The following C11orf86 variants were observed in gnomAD, a reference collection of about 807,000 sequenced individuals.
C11orf86 encodes chromosome 11 open reading frame 86.
C11orf86 carries 13 observed loss-of-function variants against 11.1 expected under a neutral mutation model. The ratio of observed to expected loss-of-function variants is 1.17; its 90% CI spans 0.76 to 1.86. The LOEUF is 1.86. Ranked by LOEUF, C11orf86 falls within the 40% of genes most tolerant of loss-of-function variation. The pLI, the probability that C11orf86 is intolerant of heterozygous loss-of-function variation, is 0.00. For missense variants in C11orf86, 144 were observed against 146.5 expected (o/e 0.98, Z 0.09); for synonymous variants, 86 against 64.7 (o/e 1.33, Z -1.58).
In C11orf86 at chr11:66,976,200, C is replaced by A; in HGVS notation, c.300C>A (p.Ser100Arg). 1.3e-6 allele frequency: 2 copies of A among 1,551,468 alleles called. No individual in the cohort carries two copies. Among genetic ancestry groups the A allele is most frequent in the Non-Finnish European group, 1.7e-6 (2 of 1,146,976 alleles). ...AGCAGGTAAGAAGAAGGTGGGAGAG[C>A]TTTGTCGCCATCTTCCCCAGCGTGA... Reference protein sequence around the residue: ...YQQQVRRRWESFVAIFPSVTL... With the variant: ...YQQQVRRRWERFVAIFPSVTL... Residue 100 changes from serine to arginine, a missense_variant, in exon 2 of 2, where the codon AGC becomes AGA. By Grantham distance (110) the Ser-to-Arg change is moderately radical. Transcript: ENST00000683896.
chr11:66,976,355 T>A lies in C11orf86; in HGVS notation c.*104T>A. ...CTGCTGACCTACCTCTTCACAGCTC[T>A]CTGGACTTTGGCTGGGTGGCCCTAG... On this transcript the variant is annotated 3_prime_UTR_variant, in exon 2 of 2. Coordinates refer to ENST00000683896, the MANE Select transcript of C11orf86 (RefSeq NM_001353554.2). 7.7e-7 allele frequency: 1 copy of A among 1,291,736 alleles called. No homozygotes were observed. Among genetic ancestry groups the A allele is most frequent in the Non-Finnish European group, 1.1e-6 (1 of 928,838 alleles). 80.0% of individuals were successfully genotyped at this position (1,291,736 alleles called of 1,614,324 possible).
At position 66,975,354 on chromosome 11, in the gene C11orf86, T is replaced by C; in HGVS notation, c.-9T>C. Reference sequence around the variant, plus strand: ...CCGGAGCAGTCCTGTGCCTGCAGCCTCCGGAGCCATGGGAACAGGGCTGCG... The same window carrying C: ...CCGGAGCAGTCCTGTGCCTGCAGCCCCCGGAGCCATGGGAACAGGGCTGCG... On this transcript the variant is annotated 5_prime_UTR_variant, in exon 1 of 2. Coordinates refer to ENST00000683896, the MANE Select transcript of C11orf86 (RefSeq NM_001353554.2). 1 of 1,545,854 alleles carries C rather than the reference T, an allele frequency of 6.5e-7. No individual in the cohort carries two copies. Among genetic ancestry groups the C allele is most frequent in the Admixed American group, 2.0e-5 (1 of 49,210 alleles).
At chr11:66,975,730 T>C (rs969996924) in intron 1 of C11orf86, 92 bp downstream of exon 1, 1 of 1,482,280 alleles carries the variant, frequency 6.7e-7, no homozygotes, top group Non-Finnish European at 8.9e-7. Context: ...CAGCCCAGGC[T>C]GTGTACCAAG....
rs1397703439 is a variant in C11orf86, at chr11:66,975,418, AG to A, written c.57del (p.Lys19AsnfsTer18). The A allele has an allele frequency of 2.6e-6, 4 of 1,550,766 alleles. No homozygotes were observed. Among genetic ancestry groups the A allele is most frequent in the Non-Finnish European group, 3.5e-6 (4 of 1,146,878 alleles). The part of the protein sequence containing the change: ...SLREPRPSYG[K>X]LQEPWGRPQE... ...CGAGAGCCCCGACCCTCCTATGGAA[AG>A]CTGCAGGAGCCCTGGGGGAGGCCCC... On this transcript the variant is annotated frameshift_variant, in exon 1 of 2. Transcript: ENST00000683896. LOFTEE classifies it high-confidence loss of function.
intron 1 of C11orf86, among the ~76,000 whole-genome samples, chr11:66,975,916 G>A (rs1225541416): frequency 6.6e-6 from 1 of 152,204 alleles, no homozygotes; most frequent in Non-Finnish European, 1.5e-5. Context: ...TAGTATGCTG[G>A]ATGGGGGAAT....
chr11:66,975,498 A>G lies in C11orf86; in HGVS notation c.136A>G (p.Arg46Gly). ...CCTCAGACAGGGGCAAGAGAAGTCCAGGTCCCAGGGCCTCGAGAGAGGCAC... is the reference window on the plus strand; with the variant it reads ...CCTCAGACAGGGGCAAGAGAAGTCCGGGTCCCAGGGCCTCGAGAGAGGCAC... Reference protein sequence around the residue: ...LSLRQGQEKSRSQGLERGTEG... With the variant: ...LSLRQGQEKSGSQGLERGTEG... The change falls in exon 1 of 2, where the codon AGG becomes GGG. Residue 46 changes from arginine to glycine, a missense_variant. Arg to Gly is a moderately radical substitution (Grantham distance 125, BLOSUM62 -2). Transcript: ENST00000683896. 1 of 1,551,558 alleles carries G rather than the reference A, an allele frequency of 6.4e-7. No homozygotes were observed. Among genetic ancestry groups the G allele is most frequent in the Non-Finnish European group, 8.7e-7 (1 of 1,146,966 alleles).
intron 1 of C11orf86, 97 bp from the exon 2 acceptor site, chr11:66,976,080 C>A: frequency 8.3e-7 from 1 of 1,205,918 alleles, no homozygotes; most frequent in Non-Finnish European, 1.2e-6. Flanking sequence ...AGCAGTGCTT[C>A]TCTACCTGGG....
chr11:66,976,161 C>A lies in C11orf86; in HGVS notation c.277-16C>A, dbSNP rs144163104. ...ACCACTCAGCCCATGGGACCTCCCC[C>A]ACCTCTGTCTTCCAGCAGGTAAGAA... On this transcript the variant is annotated splice_polypyrimidine_tract_variant and intron_variant, in intron 1 of 1. Transcript: ENST00000683896. The A allele has an allele frequency of 7.1e-6, 11 of 1,551,368 alleles. No homozygotes were observed. Among genetic ancestry groups the A allele is most frequent in the South Asian group, 4.8e-5 (4 of 84,058 alleles).
Position 66,976,184 on chromosome 11 carries a change from G to A in C11orf86, c.284G>A (p.Arg95Lys), listed in dbSNP as rs1949787077. 6.4e-7 allele frequency: 1 copy of A among 1,551,096 alleles called. No homozygotes were observed. Among genetic ancestry groups the A allele is most frequent in the Non-Finnish European group, 8.7e-7 (1 of 1,146,626 alleles). Residue 95 changes from arginine (R) to lysine (K), a missense_variant, in exon 2 of 2, where the codon AGA becomes AAA. Coordinates refer to ENST00000683896, the MANE Select transcript of C11orf86 (RefSeq NM_001353554.2). ...CCCACCTCTGTCTTCCAGCAGGTAA[G>A]AAGAAGGTGGGAGAGCTTTGTCGCC... is the stretch of plus-strand genomic sequence containing the variant. ...WWLRRYQQQV[R>K]RRWESFVAIF...
Position 66,976,187 on chromosome 11 carries a change from G to T in C11orf86, c.287G>T (p.Arg96Ile). ...WLRRYQQQVR[R>I]RWESFVAIFP... Reference sequence around the variant, plus strand: ...ACCTCTGTCTTCCAGCAGGTAAGAAGAAGGTGGGAGAGCTTTGTCGCCATC... The same window carrying T: ...ACCTCTGTCTTCCAGCAGGTAAGAATAAGGTGGGAGAGCTTTGTCGCCATC... Residue 96 changes from arginine (R) to isoleucine (I), a missense_variant, in exon 2 of 2, where the codon AGA becomes ATA. By Grantham distance (97) the Arg-to-Ile change is moderately conservative (BLOSUM62 -3). Coordinates refer to ENST00000683896, the MANE Select transcript of C11orf86 (RefSeq NM_001353554.2). 6.4e-7 allele frequency: 1 copy of T among 1,551,512 alleles called. No homozygotes were observed. Among genetic ancestry groups the T allele is most frequent in the Non-Finnish European group, 8.7e-7 (1 of 1,146,970 alleles).
chr11:66,976,067 A>G (rs1949785862), intron 1 of C11orf86, 110 bp from the exon 2 acceptor site: 3 of 1,038,516 alleles, frequency 2.9e-6, no homozygotes, highest in Non-Finnish European at 1.4e-6. Context: ...AGGGTCTCCA[A>G]TGAGCAGTGC....
rs898794403 is a variant in C11orf86, at chr11:66,976,221, C to A, written c.321C>A (p.Ser107Arg). 1 of 1,551,342 alleles carries A rather than the reference C, an allele frequency of 6.4e-7. No homozygotes were observed. The highest frequency in any genetic ancestry group is 2.0e-5 in the Admixed American group (1 of 50,996). The change falls in exon 2 of 2, where the codon AGC becomes AGA. Residue 107 changes from serine (S) to arginine (R), a missense_variant. Ser to Arg is a moderately radical substitution (Grantham distance 110). Coordinates refer to ENST00000683896, the MANE Select transcript of C11orf86 (RefSeq NM_001353554.2). ...AGAGCTTTGTCGCCATCTTCCCCAG[C>A]GTGACTCTGAGTCAGCCGGCCTCCC... is the stretch of plus-strand genomic sequence containing the variant. The part of the protein sequence containing the change: ...RWESFVAIFP[S>R]VTLSQPASP
Position 66,975,379 on chromosome 11 carries a change from G to A in C11orf86, c.17G>A (p.Arg6Gln), listed in dbSNP as rs779314012. Residue 6 changes from arginine (R) to glutamine (Q), a missense_variant, in exon 1 of 2, where the codon CGA (arginine) becomes CAA (glutamine). Transcript: ENST00000683896. MGTGL[R>Q]SQSLREPRPS... ...TCCGGAGCCATGGGAACAGGGCTGC[G>A]AAGTCAGTCCTTGCGAGAGCCCCGA... The A allele has an allele frequency of 1.0e-5, 16 of 1,550,100 alleles. No homozygotes were observed. The Admixed American group carries it at 1.8e-4, about 17-fold the overall frequency.
chr11:66,975,435 G>A lies in C11orf86; in HGVS notation c.73G>A (p.Gly25Arg). ...PSYGKLQEPW[G>R]RPQEGQLRRA... The stretch of plus-strand genomic sequence containing the variant: ...CTATGGAAAGCTGCAGGAGCCCTGG[G>A]GGAGGCCCCAGGAGGGCCAACTCCG... Residue 25 changes from glycine to arginine, a missense_variant, in exon 1 of 2, where the codon GGG becomes AGG. Gly to Arg is a moderately radical substitution (Grantham distance 125, BLOSUM62 -2). Transcript: ENST00000683896. 1 of 1,551,016 alleles carries A rather than the reference G, an allele frequency of 6.4e-7. No individual in the cohort carries two copies. The highest frequency in any genetic ancestry group is 8.7e-7 in the Non-Finnish European group (1 of 1,146,872).
At chr11:66,975,969 A>G (rs973525444) in intron 1 of C11orf86, among the ~76,000 whole-genome samples, 2 of 152,184 alleles carry the variant, frequency 1.3e-5, no homozygotes, top group Admixed American at 6.5e-5. Context: ...CTTCCTGGGA[A>G]GTACACTGTG....
chr11:66,976,415 G>A lies in C11orf86; in HGVS notation c.*164G>A, dbSNP rs566572325. On this transcript the variant is annotated 3_prime_UTR_variant, in exon 2 of 2. Transcript: ENST00000683896. The stretch of plus-strand genomic sequence containing the variant: ...GCCACCAGCTCACTGGAGTCGCCAC[G>A]TGGCTGCCACTCTTAGCTCTGGCCC... 6.1e-6 allele frequency: 4 copies of A among 656,262 alleles called. No homozygotes were observed. The highest frequency in any genetic ancestry group is 2.7e-5 in the East Asian group (1 of 36,440). The allele number at this position is 656,262 out of a possible 1,614,324, so 40.7% of individuals were successfully genotyped here.
chr11:66,976,163 CCT>C lies in C11orf86; in HGVS notation c.277-11_277-10del. 2 of 1,551,408 alleles carry C rather than the reference CCT, an allele frequency of 1.3e-6. No homozygotes were observed. Among genetic ancestry groups the C allele is most frequent in the Non-Finnish European group, 8.7e-7 (1 of 1,146,926 alleles). On this transcript the variant is annotated splice_polypyrimidine_tract_variant and intron_variant, in intron 1 of 1. Transcript: ENST00000683896. ...CACTCAGCCCATGGGACCTCCCCCACCTCTGTCTTCCAGCAGGTAAGAAGAAG... is the reference window on the plus strand; with the variant it reads ...CACTCAGCCCATGGGACCTCCCCCACCTGTCTTCCAGCAGGTAAGAAGAAG...
At position 66,976,307 on chromosome 11, in the gene C11orf86, G is replaced by A. The variant is rs902112764; in HGVS notation, c.*56G>A. On this transcript the variant is annotated 3_prime_UTR_variant, in exon 2 of 2. Transcript: ENST00000683896. ...TGGAAGCCATCGTGGCCCCCTTGCT[G>A]TGCCTGGACCAGCCCACCGTGTCTG... 1 of 1,523,876 alleles carries A rather than the reference G, an allele frequency of 6.6e-7. No individual in the cohort carries two copies. Among genetic ancestry groups the A allele is most frequent in the Non-Finnish European group, 8.9e-7 (1 of 1,126,990 alleles). 94.4% of individuals were successfully genotyped at this position (1,523,876 alleles called of 1,614,324 possible).
rs1949795411 is a variant in C11orf86, at chr11:66,976,986, A to G, written c.*735A>G. 1 of 152,318 alleles carries G rather than the reference A, an allele frequency of 6.6e-6. No homozygotes were observed. The highest frequency in any genetic ancestry group is 2.4e-5 in the African/African-American group (1 of 41,442). The allele number at this position is 152,318 out of a possible 1,614,324, so 9.4% of individuals were successfully genotyped here. On this transcript the variant is annotated 3_prime_UTR_variant, in exon 2 of 2. Transcript: ENST00000683896. ...TCCAGCACTGGAGTCGAACACAGTA[A>G]TAAAGATGCTGAGAAAAAGTCAACG...
Sources: allele counts gnomAD v4.1 joint callset (sites outside exome capture counted in the v4.1 genomes callset), GRCh38; gene constraint gnomAD v4.1.1; transcripts MANE v1.5; gene names NCBI Gene and HGNC (gene_info 2026-07-23, HGNC 2026-07-21).